CELF2: variants seen among roughly 807,000 people sequenced by gnomAD.
The protein encoded by CELF2 is CUG triplet repeat RNA-binding protein 2.
Under a neutral mutation model 62.6 loss-of-function variants are expected in CELF2, and 8 were observed. The ratio of observed to expected loss-of-function variants is 0.13; its 90% CI spans 0.07 to 0.23. The LOEUF is 0.23. Among genes scored for constraint, CELF2 ranks in the 10% least tolerant of loss-of-function variants. The pLI, the probability that CELF2 is intolerant of heterozygous loss-of-function variation, is 1.00. For synonymous variants in CELF2, 258 were observed against 250.0 expected, an observed-to-expected ratio of 1.03 and a Z score of -0.30; for missense variants, 333 against 671.0, an observed-to-expected ratio of 0.50 and a Z score of 5.56.
intron 9 of CELF2, among the ~76,000 whole-genome samples, chr10:11,289,253 T>C (rs1279453897): frequency 6.6e-6 from 1 of 152,194 alleles, no homozygotes; most frequent in Non-Finnish European, 1.5e-5. Flanking sequence ...CCTCAATAGA[T>C]GGTCTCACCT....
chr10:11,077,453 G>C (rs1471233373), intron 1 of CELF2, among the ~76,000 whole-genome samples: 3 of 152,184 alleles, frequency 2.0e-5, no homozygotes, highest in African/African-American at 7.2e-5. Flanking sequence ...GAGACCTGAT[G>C]CCCTAAGCGT....
chr10:10,785,419 T>C, the CELF2 span, among the ~76,000 whole-genome samples: 1 of 152,154 alleles, frequency 6.6e-6, no homozygotes, highest in Non-Finnish European at 1.5e-5. Context: ...AGATATCTGC[T>C]CTCCCATGTT....
chr10:10,529,557 G>C, the CELF2 span, among the ~76,000 whole-genome samples: 3 of 151,838 alleles, frequency 2.0e-5, no homozygotes, highest in African/African-American at 2.4e-5. Flanking sequence ...GGTGGTGCGC[G>C]TCTGTAATCC....
chr10:10,877,244 C>T (rs1039446850), intron 1 of CELF2, among the ~76,000 whole-genome samples: 1 of 152,220 alleles, frequency 6.6e-6, no homozygotes, highest in Non-Finnish European at 1.5e-5. Context: ...TTAATTTAGA[C>T]AATTTATTTT....
At chr10:11,226,200 A>G (rs564689641) in intron 3 of CELF2, among the ~76,000 whole-genome samples, 22 of 152,352 alleles carry the variant, frequency 1.4e-4, no homozygotes, top group South Asian at 8.3e-4. Flanking sequence ...ACTCCACAGG[A>G]CATCTGTTGT....
At chr10:11,169,358 T>C (rs2068146258) in intron 2 of CELF2, 1 of 152,232 alleles carries the variant, frequency 6.6e-6, no homozygotes, top group Admixed American at 6.5e-5. Flanking sequence ...AGGAAATGAA[T>C]AAGTCGCAGC....
the CELF2 span, among the ~76,000 whole-genome samples, chr10:10,651,559 G>A: frequency 1.5e-5 from 2 of 132,182 alleles, no homozygotes; most frequent in African/African-American, 2.8e-5. Flanking sequence ...GTGGGTCCCT[G>A]ACCCCTGACC....
At chr10:11,203,804 C>T (rs2059817420) in intron 2 of CELF2, among the ~76,000 whole-genome samples, 1 of 152,254 alleles carries the variant, frequency 6.6e-6, no homozygotes, top group African/African-American at 2.4e-5. Flanking sequence ...GACATCCCCT[C>T]TTGCCCCATG....
chr10:10,732,709 G>T, the CELF2 span, among the ~76,000 whole-genome samples: 1 of 151,922 alleles, frequency 6.6e-6, no homozygotes, highest in Non-Finnish European at 1.5e-5. Context: ...TTTTTAGTAG[G>T]CACAGGGTTT....
chr10:10,481,986 A>G, the CELF2 span, among the ~76,000 whole-genome samples: 1 of 152,206 alleles, frequency 6.6e-6, no homozygotes, highest in Non-Finnish European at 1.5e-5. Context: ...CACATTTTGG[A>G]TGTTCTTAAA....
At chr10:10,782,630 A>G in the CELF2 span, among the ~76,000 whole-genome samples, 1 of 152,216 alleles carries the variant, frequency 6.6e-6, no homozygotes, top group African/African-American at 2.4e-5. Flanking sequence ...CCTTGCCAGT[A>G]AACAATCTTT....
chr10:11,145,228 C>T lies in CELF2; in HGVS notation c.75-20258C>T, dbSNP rs1019828873. The stretch of plus-strand genomic sequence containing the variant: ...AATACAGAACAGAACAAATGTAAAA[C>T]ACTGCTGCTGCTCAAGGTTTGTAAT... On this transcript the variant is annotated intron_variant, in intron 1 of 12. Coordinates refer to ENST00000633077, the MANE Select transcript of CELF2 (RefSeq NM_001326342.2). This position sits in a 1 kb window ranked among gnomAD's most constrained non-coding sequence, Gnocchi z 4.3. 6.6e-6 allele frequency among the ~76,000 whole-genome samples: 1 copy of T among 152,190 alleles called. No homozygotes were observed. The highest frequency in any genetic ancestry group is 2.4e-5 in the African/African-American group (1 of 41,440).
chr10:10,765,370 GC>G, the CELF2 span, among the ~76,000 whole-genome samples: 2 of 152,196 alleles, frequency 1.3e-5, no homozygotes, highest in East Asian at 3.9e-4. Context: ...TCTGCGGGAA[GC>G]TGGCCAGAAT....
chr10:10,734,092 AT>A, the CELF2 span, among the ~76,000 whole-genome samples: 62 of 149,192 alleles, frequency 4.2e-4, no homozygotes, highest in Admixed American at 2.3e-3. Flanking sequence ...CTACATGTTC[AT>A]TTTTTTTTTA....
the CELF2 span, among the ~76,000 whole-genome samples, chr10:10,536,608 A>T: frequency 1.3e-5 from 2 of 152,112 alleles, no homozygotes; most frequent in Admixed American, 1.3e-4. Context: ...TTCTGGTTTG[A>T]CTCTTGGCCC....
chr10:11,068,947 C>T (rs920073961), intron 1 of CELF2, among the ~76,000 whole-genome samples: 3 of 152,146 alleles, frequency 2.0e-5, no homozygotes, highest in Non-Finnish European at 4.4e-5. Context: ...ACCTAAGACA[C>T]GTTGTGACGT....
intron 1 of CELF2, among the ~76,000 whole-genome samples, chr10:11,164,679 T>A (rs1200706955): frequency 6.7e-6 from 1 of 150,068 alleles, no homozygotes; most frequent in Non-Finnish European, 1.5e-5. Context: ...TTTTTTTTTT[T>A]AACCCAGCAC....
At chr10:10,754,000 T>C in the CELF2 span, among the ~76,000 whole-genome samples, 2 of 151,340 alleles carry the variant, frequency 1.3e-5, no homozygotes, top group African/African-American at 4.8e-5. Context: ...ACATGTTTCA[T>C]AGCTCTTATT....
the CELF2 span, among the ~76,000 whole-genome samples, chr10:10,570,673 T>A: frequency 6.5e-4 from 99 of 152,138 alleles, no homozygotes; most frequent in African/African-American, 2.3e-3. Flanking sequence ...TGCCACAATA[T>A]AAGAGTAGCA....
Sources: allele counts gnomAD v4.1 joint callset (sites outside exome capture counted in the v4.1 genomes callset), GRCh38; gene constraint gnomAD v4.1.1; non-coding constraint Gnocchi (gnomAD v3.1); transcripts MANE v1.5; gene names NCBI Gene and HGNC (gene_info 2026-07-23, HGNC 2026-07-21).